Variants in CERS6 observed in about 807,000 individuals in gnomAD.
CERS6 encodes the protein LAG1 homolog, ceramide synthase 6.
CERS6 carries 26 observed loss-of-function variants against 56.8 expected under a neutral mutation model. That is an observed-to-expected ratio of 0.46 (90% CI 0.34 to 0.63). The LOEUF is 0.63. Among genes scored for constraint, CERS6 ranks in the 30% least tolerant of loss-of-function variants. CERS6 has a pLI of 0.01. For missense variants in CERS6, 415 were observed against 467.5 expected, an observed-to-expected ratio of 0.89 and a Z score of 1.04; for synonymous variants, 164 against 173.3, an observed-to-expected ratio of 0.95 and a Z score of 0.42.
intron 4 of CERS6, among the ~76,000 whole-genome samples, chr2:168,665,952 C>CTGTGTGTGTG (rs58913968): frequency 0.037 from 5,354 of 143,222 alleles, 163 homozygotes; most frequent in African/African-American, 0.064. Flanking sequence ...AATTAGTAGA[C>CTGTGTGTGTG]TGTGTGTGTG....
intron 8 of CERS6, among the ~76,000 whole-genome samples, chr2:168,725,275 C>T (rs1408754678): frequency 3.3e-5 from 5 of 152,258 alleles, no homozygotes; most frequent in Non-Finnish European, 7.3e-5. Context: ...CCACTCATGC[C>T]TCTCCCTCCA....
At chr2:168,589,678 G>T (rs750533677) in intron 3 of CERS6, among the ~76,000 whole-genome samples, 1 of 151,910 alleles carries the variant, frequency 6.6e-6, no homozygotes, top group Non-Finnish European at 1.5e-5. Flanking sequence ...TTTACATTTT[G>T]TTCTAATACT....
intron 7 of CERS6, among the ~76,000 whole-genome samples, chr2:168,717,211 G>C (rs1229334020): frequency 6.6e-6 from 1 of 152,066 alleles, no homozygotes; most frequent in Non-Finnish European, 1.5e-5. Flanking sequence ...AACATTAGTG[G>C]CTTTCATCTA....
chr2:168,707,923 A>C (rs1686998959), intron 6 of CERS6, among the ~76,000 whole-genome samples: 1 of 152,182 alleles, frequency 6.6e-6, no homozygotes, highest in South Asian at 2.1e-4. Flanking sequence ...AGGACAAAGC[A>C]GCAAATTATT....
intron 4 of CERS6, among the ~76,000 whole-genome samples, chr2:168,635,973 A>G (rs1684851870): frequency 6.6e-6 from 1 of 152,188 alleles, no homozygotes. Context: ...TGAGACTGAA[A>G]ATAGAATTTG....
At chr2:168,601,482 C>T (rs1460980951) in intron 3 of CERS6, among the ~76,000 whole-genome samples, 4 of 151,860 alleles carry the variant, frequency 2.6e-5, no homozygotes, top group Admixed American at 2.6e-4. Flanking sequence ...CTAGTGTTTT[C>T]ATAGTCCAGC....
chr2:168,576,362 T>C (rs959126167), intron 3 of CERS6, among the ~76,000 whole-genome samples: 3 of 152,300 alleles, frequency 2.0e-5, no homozygotes, highest in South Asian at 2.1e-4. Flanking sequence ...ATTTGCAATG[T>C]GTTTGTTTCA....
At chr2:168,675,703 T>A (rs1686041410) in intron 4 of CERS6, among the ~76,000 whole-genome samples, 1 of 151,282 alleles carries the variant, frequency 6.6e-6, no homozygotes, top group African/African-American at 2.4e-5. Flanking sequence ...TTCTTTTTTT[T>A]ATGAGATGGA....
intron 4 of CERS6, among the ~76,000 whole-genome samples, chr2:168,637,830 ACTC>A (rs1367047838): frequency 6.6e-6 from 1 of 151,736 alleles, no homozygotes; most frequent in Non-Finnish European, 1.5e-5. Flanking sequence ...AAAAATGAAG[ACTC>A]CTTTTACAGG....
rs550533199 is a variant in CERS6 at position 168,500,847 on chromosome 2, G to A, written c.170+44229G>A. 5.4e-4 allele frequency among the ~76,000 whole-genome samples: 82 copies of A among 152,290 alleles called. 1 individual carries two copies. Among genetic ancestry groups the A allele is most frequent in the Admixed American group, 1.3e-3 (20 of 15,298 alleles). ...ATTTTGACAGTGTGTGTGTTGGAGGGAGTTTATAAGTATTTTAACTAACTG... is the reference window on the plus strand; with the variant it reads ...ATTTTGACAGTGTGTGTGTTGGAGGAAGTTTATAAGTATTTTAACTAACTG... On this transcript the variant is annotated intron_variant, in intron 1 of 9. Coordinates refer to ENST00000305747, the MANE Select transcript of CERS6 (RefSeq NM_203463.3).
chr2:168,644,562 G>A (rs757905287), intron 4 of CERS6, among the ~76,000 whole-genome samples: 2 of 152,146 alleles, frequency 1.3e-5, no homozygotes, highest in Non-Finnish European at 2.9e-5. Flanking sequence ...ATCTGTGTTA[G>A]CCACTGCAGC....
intron 8 of CERS6, among the ~76,000 whole-genome samples, chr2:168,757,140 C>A (rs1332876305): frequency 6.6e-6 from 1 of 151,980 alleles, no homozygotes; most frequent in African/African-American, 2.4e-5. Flanking sequence ...TTATAGAGAA[C>A]CAAGCAAAAG....
At chr2:168,766,314 C>A (rs1684727905) in intron 9 of CERS6, 1 of 1,597,870 alleles carries the variant, frequency 6.3e-7, no homozygotes, top group African/African-American at 1.3e-5. Flanking sequence ...CTTCTGCTAC[C>A]CTGGAAGGCT....
intron 8 of CERS6, among the ~76,000 whole-genome samples, chr2:168,743,325 A>G (rs2105432980): frequency 6.6e-6 from 1 of 152,092 alleles, no homozygotes; most frequent in Non-Finnish European, 1.5e-5. Context: ...ATGAATTACT[A>G]GTTGGAGCTT....
intron 1 of CERS6, among the ~76,000 whole-genome samples, chr2:168,485,483 C>T (rs1694260052): frequency 6.6e-6 from 1 of 152,116 alleles, no homozygotes. Flanking sequence ...ACCTTCTGTT[C>T]TCCATCTATT....
intron 3 of CERS6, among the ~76,000 whole-genome samples, chr2:168,593,977 T>A (rs1683736250): frequency 6.6e-6 from 1 of 152,228 alleles, no homozygotes. Context: ...GCTACATTGG[T>A]TTTGGTTGTA....
intron 1 of CERS6, among the ~76,000 whole-genome samples, chr2:168,468,494 T>C (rs886092907): frequency 9.2e-5 from 14 of 152,238 alleles, no homozygotes; most frequent in Admixed American, 2.6e-4. Flanking sequence ...TCAGTTTTCA[T>C]GTGAAACTCA....
At chr2:168,514,731 A>G (rs986531998) in intron 1 of CERS6, among the ~76,000 whole-genome samples, 2 of 152,242 alleles carry the variant, frequency 1.3e-5, no homozygotes, top group African/African-American at 2.4e-5. Flanking sequence ...AAGAGGAGCA[A>G]TGAGCAGTAG....
chr2:168,502,110 C>T (rs953228424), intron 1 of CERS6, among the ~76,000 whole-genome samples: 1 of 152,120 alleles, frequency 6.6e-6, no homozygotes, highest in African/African-American at 2.4e-5. Context: ...AGTTTGTATA[C>T]CTGAGACACG....
Sources: gnomAD v4.1 joint callset for allele counts (sites outside exome capture counted in the v4.1 genomes callset) on GRCh38, gnomAD v4.1.1 for gene constraint, MANE v1.5 for transcripts, NCBI Gene and HGNC (gene_info 2026-07-23, HGNC 2026-07-21) for gene names.